The following KLF15 variants were observed in gnomAD, a reference collection of about 807,000 sequenced individuals.
KLF15 encodes the protein Krueppel-like factor 15.
Under a neutral mutation model 24.6 loss-of-function variants are expected in KLF15, and 4 were observed. The ratio of observed to expected loss-of-function variants is 0.16; its 90% CI spans 0.08 to 0.37. The LOEUF is 0.37. Among genes scored for constraint, KLF15 ranks in the 10% least tolerant of loss-of-function variants. The pLI, the probability that KLF15 is intolerant of heterozygous loss-of-function variation, is 1.00. For synonymous variants in KLF15, 246 were observed against 236.3 expected (o/e 1.04, Z -0.37); for missense variants, 496 against 560.6 (o/e 0.88, Z 1.16).
At chr3:126,345,906 A>G (rs1337005930) in intron 2 of KLF15, among the ~76,000 whole-genome samples, 5 of 152,114 alleles carry the variant, frequency 3.3e-5, no homozygotes, top group East Asian at 3.9e-4. Context: ...GTGAAGCCCA[A>G]CTGCCCTGCC....
At chr3:126,302,317 A>T in the KLF15 span, among the ~76,000 whole-genome samples, 2 of 152,132 alleles carry the variant, frequency 1.3e-5, no homozygotes, top group African/African-American at 4.8e-5. Context: ...GTCTTGGTAA[A>T]TGTTCTTCAT....
chr3:126,329,450 A>G, the KLF15 span, among the ~76,000 whole-genome samples: 2 of 152,164 alleles, frequency 1.3e-5, no homozygotes, highest in Non-Finnish European at 2.9e-5. Flanking sequence ...CCATCTCTGC[A>G]CTCCAGCCTG....
intron 1 of KLF15, among the ~76,000 whole-genome samples, chr3:126,354,842 A>C (rs2082617040): frequency 6.6e-6 from 1 of 152,204 alleles, no homozygotes; most frequent in East Asian, 1.9e-4. Flanking sequence ...GTTGTCTGCC[A>C]GGTGACCTCA....
the KLF15 span, among the ~76,000 whole-genome samples, chr3:126,333,478 T>G: frequency 1.4e-5 from 2 of 140,730 alleles, no homozygotes; most frequent in African/African-American, 5.3e-5. Flanking sequence ...TGCCAAAATG[T>G]AAAGACCATC....
At chr3:126,319,297 G>A in the KLF15 span, among the ~76,000 whole-genome samples, 2 of 152,182 alleles carry the variant, frequency 1.3e-5, no homozygotes, top group Non-Finnish European at 2.9e-5. Flanking sequence ...ATTCATTTGG[G>A]TAAATACCAA....
chr3:126,355,938 G>A (rs1306372142), intron 1 of KLF15, among the ~76,000 whole-genome samples: 1 of 152,236 alleles, frequency 6.6e-6, no homozygotes, highest in Non-Finnish European at 1.5e-5. Flanking sequence ...AAACACAGCA[G>A]CACGTGGGGC....
At chr3:126,328,266 C>A in the KLF15 span, among the ~76,000 whole-genome samples, 1 of 151,866 alleles carries the variant, frequency 6.6e-6, no homozygotes, top group African/African-American at 2.4e-5. Flanking sequence ...TAATTCATTC[C>A]TTTTTATGGC....
chr3:126,323,420 TA>T, the KLF15 span, among the ~76,000 whole-genome samples: 3 of 36,490 alleles, frequency 8.2e-5, no homozygotes, highest in Admixed American at 7.1e-4. Context: ...TATATATATA[TA>T]TATATATATA....
chr3:126,323,631 C>G, the KLF15 span, among the ~76,000 whole-genome samples: 1 of 148,458 alleles, frequency 6.7e-6, no homozygotes, highest in African/African-American at 2.5e-5. Flanking sequence ...CACCTATTAA[C>G]CCATCAACTA....
At chr3:126,307,353 G>A in the KLF15 span, among the ~76,000 whole-genome samples, 21 of 152,340 alleles carry the variant, frequency 1.4e-4, no homozygotes, top group African/African-American at 5.1e-4. Flanking sequence ...GGCTCACAGG[G>A]ACTCCCTCTG....
At chr3:126,317,921 AT>A in the KLF15 span, among the ~76,000 whole-genome samples, 1 of 152,132 alleles carries the variant, frequency 6.6e-6, no homozygotes, top group South Asian at 2.1e-4. Context: ...ACCCGTACAG[AT>A]TTGCCGCCAC....
the KLF15 span, among the ~76,000 whole-genome samples, chr3:126,307,829 C>A: frequency 6.6e-6 from 1 of 152,190 alleles, no homozygotes; most frequent in Non-Finnish European, 1.5e-5. Context: ...CCAGCGATTT[C>A]CTTTCCTGCT....
chr3:126,346,445 G>T (rs947543717), intron 2 of KLF15, among the ~76,000 whole-genome samples: 3 of 152,148 alleles, frequency 2.0e-5, no homozygotes, highest in Non-Finnish European at 4.4e-5. Flanking sequence ...CACCCCACTG[G>T]GTGCCCTGAA....
downstream of KLF15, among the ~76,000 whole-genome samples, chr3:126,342,352 G>A (rs527902408): frequency 4.1e-4 from 62 of 152,330 alleles, 1 homozygote; most frequent in Middle Eastern, 3.4e-3. Flanking sequence ...GGCCAGGCCT[G>A]AGGCAGCTTC....
intron 2 of KLF15, among the ~76,000 whole-genome samples, chr3:126,349,830 G>C (rs2107555175): frequency 6.6e-6 from 1 of 152,342 alleles, no homozygotes; most frequent in East Asian, 1.9e-4. Context: ...CTCACCAAGA[G>C]GAGAGTGCAT....
chr3:126,309,503 G>T, the KLF15 span, among the ~76,000 whole-genome samples: 1 of 152,234 alleles, frequency 6.6e-6, no homozygotes. Context: ...CCACGTTTCT[G>T]CTTACCATAG....
At chr3:126,349,187 C>T (rs943412939) in intron 2 of KLF15, among the ~76,000 whole-genome samples, 10 of 152,134 alleles carry the variant, frequency 6.6e-5, no homozygotes, top group African/African-American at 2.4e-4. Flanking sequence ...CTGAGGACTC[C>T]CCGCATCCTC....
chr3:126,340,799 G>T (rs865926077), downstream of KLF15, among the ~76,000 whole-genome samples: 2 of 152,152 alleles, frequency 1.3e-5, no homozygotes, highest in Admixed American at 1.3e-4. Flanking sequence ...CGGTCAGAAA[G>T]GTGGTGGCAT....
the KLF15 span, among the ~76,000 whole-genome samples, chr3:126,327,097 G>T: frequency 6.6e-6 from 1 of 152,072 alleles, no homozygotes; most frequent in East Asian, 1.9e-4. Flanking sequence ...GTGCCTTGCC[G>T]GTCCTAGGAC....
Sources: allele counts gnomAD v4.1 joint callset (sites outside exome capture counted in the v4.1 genomes callset), GRCh38; gene constraint gnomAD v4.1.1; transcripts MANE v1.5; gene names NCBI Gene and HGNC (gene_info 2026-07-23, HGNC 2026-07-21).